NEK11: variants seen among roughly 807,000 people sequenced by gnomAD.
NEK11 encodes the protein NIMA related kinase 11.
In NEK11, 72 loss-of-function variants were observed where a neutral mutation model predicts 80.7. That is an observed-to-expected ratio of 0.89 (90% confidence interval 0.74 to 1.08). The LOEUF (loss-of-function observed/expected upper bound fraction) is 1.08, where lower values mean the gene tolerates loss of function less well. NEK11 is among the 50% of genes least tolerant of loss of function. The probability of loss-of-function intolerance (pLI) is 0.00; values close to 1 mark genes in which losing one functional copy is unlikely to be tolerated. For missense variants in NEK11, 764 were observed against 763.6 expected (o/e 1.00, Z -0.01); for synonymous variants, 251 against 260.7 (o/e 0.96, Z 0.36).
At chr3:131,155,841 A>G (rs2090561457) in intron 10 of NEK11, among the ~76,000 whole-genome samples, 1 of 152,120 alleles carries the variant, frequency 6.6e-6, no homozygotes, top group Non-Finnish European at 1.5e-5. Flanking sequence ...AATGTTTCTC[A>G]ACGCTACCAT....
At position 131,114,686 on chromosome 3, in the gene NEK11, G is replaced by A. The variant is rs1169934085; in HGVS notation, c.455+4765G>A. On this transcript the variant is annotated intron_variant, in intron 5 of 17. Coordinates refer to ENST00000383366, the MANE Select transcript of NEK11 (RefSeq NM_024800.5). ...CTTCCTCCCAAAGGGACCCCTCACTGCAAGGAATAAGAAGCGTGAATACTT... is the reference window on the plus strand; with the variant it reads ...CTTCCTCCCAAAGGGACCCCTCACTACAAGGAATAAGAAGCGTGAATACTT... Among the ~76,000 whole-genome samples, 6 of 152,296 alleles carry A rather than the reference G, an allele frequency of 3.9e-5. No individual in the cohort carries two copies. In the South Asian group the frequency reaches 1.0e-3, roughly 26 times the overall value.
At chr3:131,028,761 A>G (rs567864143) in intron 2 of NEK11, among the ~76,000 whole-genome samples, 230 of 152,146 alleles carry the variant, frequency 1.5e-3, no homozygotes, top group Non-Finnish European at 2.8e-3. Context: ...TCACCGTGTT[A>G]GCCAGGATGG....
At position 131,032,146 on chromosome 3, in the gene NEK11, G is replaced by C. The variant is rs112801657; in HGVS notation, c.170+2268G>C. Among the ~76,000 whole-genome samples the C allele has an allele frequency of 4.2e-3, 636 of 152,146 alleles. 6 individuals are homozygous for C. The highest frequency in any genetic ancestry group is 7.1e-3 in the Non-Finnish European group (485 of 67,994). ...CTGGCTAATTTTTGTATTTTTAGTA[G>C]AGACAGGGTTTCACCATGTTGGCCA... On this transcript the variant is annotated intron_variant, in intron 3 of 17. Transcript: ENST00000383366.
chr3:131,217,781 A>T, intron 14 of NEK11, among the ~76,000 whole-genome samples: 1 of 152,214 alleles, frequency 6.6e-6, no homozygotes, highest in East Asian at 1.9e-4. Flanking sequence ...TTTTCTAAAT[A>T]CAATTTCTTA....
intron 17 of NEK11, among the ~76,000 whole-genome samples, chr3:131,291,055 A>G (rs1258787096): frequency 1.3e-5 from 2 of 152,160 alleles, no homozygotes; most frequent in Non-Finnish European, 2.9e-5. Context: ...ATCATACAGA[A>G]TAGTTTCACT....
At chr3:131,327,601 T>G (rs1478408789) in intron 17 of NEK11, 1 of 152,126 alleles carries the variant, frequency 6.6e-6, no homozygotes, top group East Asian at 1.9e-4. Flanking sequence ...GTTAGCTTGA[T>G]TCACACTCTT....
intron 2 of NEK11, 138 bp from the exon 3 acceptor site, chr3:131,029,475 T>G: frequency 2.8e-6 from 1 of 356,370 alleles, no homozygotes; most frequent in Non-Finnish European, 5.1e-6. Flanking sequence ...TCTCTACCTT[T>G]TAACATTTTT....
intron 14 of NEK11, among the ~76,000 whole-genome samples, chr3:131,216,271 G>T (rs751667143): frequency 1.3e-5 from 2 of 152,052 alleles, no homozygotes; most frequent in Non-Finnish European, 2.9e-5. Context: ...GAGTCTTTTG[G>T]TACATAACCT....
At position 131,155,020 on chromosome 3, in the gene NEK11, T is replaced by C; in HGVS notation, c.877-16T>C. ...GAGGAGCCTTTAAGATATGTCAGGG[T>C]TGATCTTTTTTTCAGAACCTAATGT... On this transcript the variant is annotated splice_polypyrimidine_tract_variant and intron_variant, in intron 9 of 17. Transcript: ENST00000383366. 6.7e-7 allele frequency: 1 copy of C among 1,494,352 alleles called. No individual in the cohort carries two copies. The highest frequency in any genetic ancestry group is 9.3e-7 in the Non-Finnish European group (1 of 1,071,314). 92.6% of individuals were successfully genotyped at this position (1,494,352 alleles called of 1,614,324 possible).
chr3:131,143,397 C>T (rs2087405362), intron 7 of NEK11, among the ~76,000 whole-genome samples: 1 of 152,142 alleles, frequency 6.6e-6, no homozygotes, highest in Non-Finnish European at 1.5e-5. Context: ...AGTCAAGTAG[C>T]TGTGTGGTTT....
chr3:131,240,843 A>G (rs2095508150), intron 15 of NEK11, among the ~76,000 whole-genome samples: 1 of 152,014 alleles, frequency 6.6e-6, no homozygotes, highest in Non-Finnish European at 1.5e-5. Context: ...TTGTCAAACA[A>G]CTGCCTGATA....
At chr3:131,258,249 A>C (rs1181824164) in intron 16 of NEK11, among the ~76,000 whole-genome samples, 3 of 152,144 alleles carry the variant, frequency 2.0e-5, no homozygotes, top group African/African-American at 7.2e-5. Flanking sequence ...CCCAAATCTC[A>C]GAAACCATCA....
intron 14 of NEK11, among the ~76,000 whole-genome samples, chr3:131,171,627 A>G (rs2092698086): frequency 6.6e-6 from 1 of 152,208 alleles, no homozygotes; most frequent in Non-Finnish European, 1.5e-5. Context: ...AAGAATAATA[A>G]TGCCTTCTTT....
At chr3:131,143,201 T>C (rs2149712305) in intron 7 of NEK11, among the ~76,000 whole-genome samples, 1 of 152,308 alleles carries the variant, frequency 6.6e-6, no homozygotes, top group South Asian at 2.1e-4. Flanking sequence ...CTCCAGCTGC[T>C]TTAAGCCTTA....
At chr3:131,266,203 A>G (rs1377659626) in intron 16 of NEK11, among the ~76,000 whole-genome samples, 1 of 150,948 alleles carries the variant, frequency 6.6e-6, no homozygotes, top group Non-Finnish European at 1.5e-5. Context: ...CCTGTCTCTA[A>G]CTCCTTCAGT....
At chr3:131,116,492 G>C (rs1171299588) in intron 5 of NEK11, among the ~76,000 whole-genome samples, 2 of 152,230 alleles carry the variant, frequency 1.3e-5, no homozygotes, top group Non-Finnish European at 1.5e-5. Flanking sequence ...TATATACCCA[G>C]TAATGGGATG....
chr3:131,297,878 A>G (rs1203932583), intron 17 of NEK11, among the ~76,000 whole-genome samples: 7 of 152,178 alleles, frequency 4.6e-5, no homozygotes, highest in Non-Finnish European at 1.0e-4. Context: ...GGCTTTCTAC[A>G]TATGGCTAGC....
chr3:131,177,311 GT>G (rs1379894113), intron 14 of NEK11, among the ~76,000 whole-genome samples: 1 of 152,110 alleles, frequency 6.6e-6, no homozygotes, highest in Non-Finnish European at 1.5e-5. Context: ...TTTCAAATTT[GT>G]TTTTCATCAA....
intron 3 of NEK11, among the ~76,000 whole-genome samples, chr3:131,047,136 C>G (rs2067522720): frequency 6.6e-6 from 1 of 152,182 alleles, no homozygotes; most frequent in Admixed American, 6.5e-5. Context: ...CCAGAAGTAT[C>G]ACTTTATTAT....
Sources: allele counts gnomAD v4.1 joint callset (sites outside exome capture counted in the v4.1 genomes callset), GRCh38; gene constraint gnomAD v4.1.1; transcripts MANE v1.5; gene names NCBI Gene and HGNC (gene_info 2026-07-23, HGNC 2026-07-21).